The following LMBR1 variants were observed in gnomAD, a reference collection of about 807,000 sequenced individuals.
LMBR1 encodes limb development membrane protein 1, also known as limb region 1 protein homolog.
Under a neutral mutation model 73.9 loss-of-function variants are expected in LMBR1, and 52 were observed. The ratio of observed to expected loss-of-function variants is 0.70; its 90% CI spans 0.56 to 0.89. LMBR1 has a LOEUF of 0.89. LMBR1 is among the 40% of genes least tolerant of loss of function. The pLI is 0.00. For missense variants in LMBR1, 539 were observed against 579.8 expected (o/e 0.93, Z 0.72); for synonymous variants, 215 against 209.4 (o/e 1.03, Z -0.23).
rs1363271713 is a variant in LMBR1, at chr7:156,762,844, TGA to T, written c.619+262_619+263del. Among the ~76,000 whole-genome samples the T allele has an allele frequency of 9.1e-3, 975 of 106,588 alleles. 3 individuals carry two copies. Among genetic ancestry groups the T allele is most frequent in the Middle Eastern group, 0.053 (12 of 228 alleles). The allele number at this position is 106,588 out of a possible 152,430, so 69.9% of individuals were successfully genotyped here. On this transcript the variant is annotated intron_variant, in intron 7 of 16. Transcript: ENST00000353442. The stretch of plus-strand genomic sequence containing the variant: ...ATGAGTGTGTGAAAGTGTGTGAGTG[TGA>T]GTGTGTGTGTGTGTGTGTGTGTGTG...
chr7:156,830,554 TATC>T (rs1397307703), intron 3 of LMBR1, among the ~76,000 whole-genome samples: 1 of 152,206 alleles, frequency 6.6e-6, no homozygotes, highest in African/African-American at 2.4e-5. Context: ...CCCTCCCAAA[TATC>T]ATCAAAAGGT....
At chr7:156,816,069 T>A (rs557998942) in intron 4 of LMBR1, among the ~76,000 whole-genome samples, 1 of 152,162 alleles carries the variant, frequency 6.6e-6, no homozygotes, top group African/African-American at 2.4e-5. Flanking sequence ...GTTAAAAAAA[T>A]AAAACTTTGC....
At chr7:156,724,781 T>C (rs1815349954) in intron 14 of LMBR1, among the ~76,000 whole-genome samples, 1 of 151,532 alleles carries the variant, frequency 6.6e-6, no homozygotes, top group African/African-American at 2.4e-5. Context: ...TGTGTGTGTG[T>C]GTGTGTGTGT....
intron 15 of LMBR1, among the ~76,000 whole-genome samples, chr7:156,708,518 A>G (rs2132150670): frequency 6.6e-6 from 1 of 152,304 alleles, no homozygotes; most frequent in Admixed American, 6.5e-5. Context: ...CAGGGAAGCC[A>G]TCCCTGACTA....
intron 4 of LMBR1, among the ~76,000 whole-genome samples, chr7:156,806,846 A>T (rs185263946): frequency 6.6e-6 from 1 of 152,110 alleles, no homozygotes; most frequent in Non-Finnish European, 1.5e-5. Flanking sequence ...TCCTGACCTC[A>T]GGTGATCCAC....
At chr7:156,810,684 T>C (rs1178528565) in intron 4 of LMBR1, among the ~76,000 whole-genome samples, 2 of 151,352 alleles carry the variant, frequency 1.3e-5, no homozygotes, top group Non-Finnish European at 1.5e-5. Context: ...TGAGCCACCA[T>C]GCCTGGCCCT....
At chr7:156,879,542 T>C (rs1473034976) in intron 1 of LMBR1, among the ~76,000 whole-genome samples, 1 of 151,758 alleles carries the variant, frequency 6.6e-6, no homozygotes, top group African/African-American at 2.4e-5. Context: ...CAGGTGCCTG[T>C]AGTCCCAGCT....
chr7:156,721,863 C>T (rs1185684783), intron 15 of LMBR1, among the ~76,000 whole-genome samples: 1 of 151,902 alleles, frequency 6.6e-6, no homozygotes, highest in African/African-American at 2.4e-5. Context: ...TCAAATATAA[C>T]AAGCTATTTA....
At chr7:156,882,466 A>G (rs1801242255) in intron 1 of LMBR1, among the ~76,000 whole-genome samples, 1 of 152,188 alleles carries the variant, frequency 6.6e-6, no homozygotes, top group African/African-American at 2.4e-5. Context: ...AAATGCAACA[A>G]CATAGATGAA....
At chr7:156,705,710 TA>T (rs1420294356) in intron 15 of LMBR1, among the ~76,000 whole-genome samples, 1 of 152,130 alleles carries the variant, frequency 6.6e-6, no homozygotes, top group Admixed American at 6.6e-5. Context: ...CTCAAAGTCC[TA>T]AATGTGGAAA....
intron 4 of LMBR1, among the ~76,000 whole-genome samples, chr7:156,809,304 A>G (rs1832685544): frequency 6.6e-6 from 1 of 152,154 alleles, no homozygotes. Context: ...GTTTTGAAAA[A>G]TATTTTCACT....
chr7:156,728,903 T>C (rs1328332753), intron 10 of LMBR1, among the ~76,000 whole-genome samples, 183 bp from the exon 11 acceptor site: 2 of 152,160 alleles, frequency 1.3e-5, no homozygotes, highest in Non-Finnish European at 2.9e-5. Flanking sequence ...TAGAGCACAA[T>C]GGTATAGCCG....
chr7:156,890,904 T>C (rs908443845), intron 1 of LMBR1, among the ~76,000 whole-genome samples: 1 of 152,092 alleles, frequency 6.6e-6, no homozygotes, highest in African/African-American at 2.4e-5. Flanking sequence ...AAAAAGTTCA[T>C]AGCCAGCCCG....
intron 15 of LMBR1, among the ~76,000 whole-genome samples, chr7:156,717,553 G>C (rs1813493700): frequency 6.6e-6 from 1 of 152,080 alleles, no homozygotes; most frequent in African/African-American, 2.4e-5. Flanking sequence ...TGTGGGGGGT[G>C]AAATTACAAA....
chr7:156,817,504 GAGAGAGAGAGACAGAGACAGAC>G (rs60868455), intron 4 of LMBR1, among the ~76,000 whole-genome samples: 50,094 of 149,704 alleles, frequency 0.33, 8,400 homozygotes, highest in East Asian at 0.55. Flanking sequence ...GAGAGAGAGA[GAGAGAGAGAGACAGAGACAGAC>G]AGAGAGACAG....
At position 156,769,346 on chromosome 7, in the gene LMBR1, A is replaced by C. The variant is rs78118131; in HGVS notation, c.424-5551T>G. On this transcript the variant is annotated intron_variant, in intron 5 of 16. Coordinates refer to ENST00000353442, the MANE Select transcript of LMBR1 (RefSeq NM_022458.4). ...TGTCATACCAACATTCCTTCGTCTT[A>C]CAACAGGAGAGGAATGAACGACAGC... 2.3e-3 allele frequency among the ~76,000 whole-genome samples: 345 copies of C among 152,246 alleles called. 3 individuals carry two copies. The highest frequency in any genetic ancestry group is 8.0e-3 in the African/African-American group (331 of 41,552).
chr7:156,851,757 T>G (rs1312692041), intron 1 of LMBR1, among the ~76,000 whole-genome samples: 3 of 152,240 alleles, frequency 2.0e-5, no homozygotes, highest in African/African-American at 7.2e-5. Context: ...TGAAACAATG[T>G]GCTTATTTCA....
chr7:156,831,670 G>A (rs912956122), intron 3 of LMBR1, among the ~76,000 whole-genome samples: 1 of 152,054 alleles, frequency 6.6e-6, no homozygotes, highest in Non-Finnish European at 1.5e-5. Flanking sequence ...CAAACCCCTC[G>A]CACGTGCTGT....
intron 4 of LMBR1, among the ~76,000 whole-genome samples, chr7:156,802,422 A>G (rs1308209254): frequency 6.6e-6 from 1 of 152,240 alleles, no homozygotes; most frequent in Non-Finnish European, 1.5e-5. Flanking sequence ...AGTAATCAAT[A>G]AAAATGAGTT....
Sources: allele counts gnomAD v4.1 joint callset (sites outside exome capture counted in the v4.1 genomes callset), GRCh38; gene constraint gnomAD v4.1.1; transcripts MANE v1.5; gene names NCBI Gene and HGNC (gene_info 2026-07-23, HGNC 2026-07-21).